UPF3A: variants seen among roughly 807,000 people sequenced by gnomAD.
UPF3A encodes the protein regulator of nonsense transcripts 3A.
Under a neutral mutation model 53.5 loss-of-function variants are expected in UPF3A, and 42 were observed. The ratio of observed to expected loss-of-function variants is 0.78; its 90% CI spans 0.61 to 1.01. The LOEUF (loss-of-function observed/expected upper bound fraction) is 1.01. UPF3A is among the 50% of genes least tolerant of loss of function. UPF3A has a pLI of 0.00. For synonymous variants in UPF3A, 237 were observed against 225.3 expected (o/e 1.05, Z -0.47); for missense variants, 575 against 598.0 (o/e 0.96, Z 0.40).
intron 7 of UPF3A, among the ~76,000 whole-genome samples, chr13:114,293,882 G>A (rs2085557868): frequency 6.6e-6 from 1 of 152,102 alleles, no homozygotes; most frequent in Non-Finnish European, 1.5e-5. Flanking sequence ...AGGACTTTGG[G>A]AGACCAGGGC....
At chr13:114,289,547 AG>A (rs2085074864) in intron 5 of UPF3A, among the ~76,000 whole-genome samples, 4 of 150,644 alleles carry the variant, frequency 2.7e-5, no homozygotes, top group African/African-American at 9.8e-5. Flanking sequence ...AAAAAATTTT[AG>A]GCAATTCATG....
chr13:114,296,688 G>A (rs892226558), intron 7 of UPF3A, among the ~76,000 whole-genome samples: 13 of 152,272 alleles, frequency 8.5e-5, no homozygotes, highest in East Asian at 5.8e-4. Context: ...TGGAACTGTC[G>A]TCTGAAAGGG....
intron 3 of UPF3A, chr13:114,283,957 A>G (rs1461679209): frequency 2.0e-6 from 2 of 985,328 alleles, no homozygotes. Flanking sequence ...TTAAAAAAAT[A>G]AGCATTAGCC....
intron 5 of UPF3A, among the ~76,000 whole-genome samples, chr13:114,290,802 C>G (rs995668072): frequency 1.1e-4 from 16 of 149,176 alleles, no homozygotes; most frequent in Non-Finnish European, 2.1e-4. Context: ...GGCGCAATCT[C>G]GGCTCACTGC....
Position 114,298,710 on chromosome 13 carries a change from C to T in UPF3A, c.847-130C>T, listed in dbSNP as rs1388982745. 7.4e-6 allele frequency: 7 copies of T among 949,874 alleles called. No homozygotes were observed. The East Asian group carries it at 1.5e-4, about 21-fold the overall frequency. The allele number at this position is 949,874 out of a possible 1,614,324, so 58.8% of individuals were successfully genotyped here. The stretch of plus-strand genomic sequence containing the variant: ...TAAACCAAAAACCTCATTTTTGGAC[C>T]TTTAGCTTTAATTCTTTGCTGTGCA... On this transcript the variant is annotated intron_variant, in intron 7 of 9. Coordinates refer to ENST00000375299, the MANE Select transcript of UPF3A (RefSeq NM_023011.4).
intron 5 of UPF3A, among the ~76,000 whole-genome samples, chr13:114,288,725 G>C (rs556860260): frequency 2.6e-5 from 4 of 152,192 alleles, no homozygotes; most frequent in Non-Finnish European, 5.9e-5. Flanking sequence ...AGACGGATAG[G>C]GTGTGGGAGG....
intron 9 of UPF3A, among the ~76,000 whole-genome samples, chr13:114,302,987 C>A (rs1237483485): frequency 6.6e-6 from 1 of 152,190 alleles, no homozygotes; most frequent in African/African-American, 2.4e-5. Context: ...GTAATCCCAG[C>A]TACTCAGGAG....
At chr13:114,304,489 ATC>A (rs2086866488) in intron 9 of UPF3A, among the ~76,000 whole-genome samples, 1 of 152,202 alleles carries the variant, frequency 6.6e-6, no homozygotes, top group African/African-American at 2.4e-5. Flanking sequence ...GAGGGTCCAC[ATC>A]TCATTTTGTT....
In UPF3A at chr13:114,281,759, G is replaced by A; in HGVS notation, c.120G>A (p.Gln40=). ...EVQFHRDSQQ[Q]EAETPPTSSS... Reference sequence around the variant, plus strand: ...AGTTCCACCGCGACTCGCAGCAGCAGGAGGCTGAGACGCCGCCAACTTCGT... The same window carrying A: ...AGTTCCACCGCGACTCGCAGCAGCAAGAGGCTGAGACGCCGCCAACTTCGT... Residue 40 remains glutamine (Q), a synonymous_variant, in exon 1 of 10, where the codon CAG becomes CAA. Transcript: ENST00000375299. The A allele has an allele frequency of 6.4e-7, 1 of 1,557,902 alleles. No homozygotes were observed. The highest frequency in any genetic ancestry group is 8.7e-7 in the Non-Finnish European group (1 of 1,151,662).
Position 114,302,032 on chromosome 13 carries a change from A to G in UPF3A, c.1302+7A>G, listed in dbSNP as rs973048867. The G allele has an allele frequency of 6.0e-6, 9 of 1,508,780 alleles. No individual in the cohort carries two copies. The highest frequency in any genetic ancestry group is 1.4e-5 in the African/African-American group (1 of 71,422). The allele number at this position is 1,508,780 out of a possible 1,614,324, so 93.5% of individuals were successfully genotyped here. A position where few individuals can be genotyped will look rare whatever the true frequency, so the allele number is the denominator to read the frequency against. On this transcript the variant is annotated splice_region_variant and intron_variant, in intron 9 of 9. Coordinates refer to ENST00000375299, the MANE Select transcript of UPF3A (RefSeq NM_023011.4). ...AGAGCGACTGGCAAACAAGGTTTTT[A>G]TTAAACCCAAAAAGAAAAATGTGTC...
At chr13:114,298,726 T>G (rs2086303828) in intron 7 of UPF3A, 114 bp from the exon 8 acceptor site, 1 of 1,078,120 alleles carries the variant, frequency 9.3e-7, no homozygotes, top group African/African-American at 1.6e-5. Flanking sequence ...CTTTAATTCT[T>G]TGCTGTGCAA....
At chr13:114,288,726 G>A (rs1435702880) in intron 5 of UPF3A, among the ~76,000 whole-genome samples, 2 of 152,200 alleles carry the variant, frequency 1.3e-5, no homozygotes, top group East Asian at 3.9e-4. Context: ...GACGGATAGG[G>A]TGTGGGAGGT....
chr13:114,301,665 A>G (rs921004338), intron 8 of UPF3A, 66 bp from the exon 9 acceptor site: 5 of 1,533,892 alleles, frequency 3.3e-6, no homozygotes, highest in African/African-American at 1.4e-5. Flanking sequence ...CCTGTGGTCT[A>G]GAAAGGAGGG....
intron 7 of UPF3A, among the ~76,000 whole-genome samples, chr13:114,296,404 G>A (rs374092940): frequency 6.0e-4 from 91 of 151,974 alleles, no homozygotes; most frequent in Non-Finnish European, 2.5e-4. Flanking sequence ...AAAAATAGAC[G>A]GGCCTTCCGG....
In UPF3A at chr13:114,295,799, AGTG is replaced by A. The variant is rs2085925029; in HGVS notation, c.847-3040_847-3038del. On this transcript the variant is annotated intron_variant, in intron 7 of 9. Coordinates refer to ENST00000375299, the MANE Select transcript of UPF3A (RefSeq NM_023011.4). ...CTTGTCTCATTCACAGCCATTCCCT[AGTG>A]CCTAGCACAGGGTCTTAGGCCCTGG... 7.9e-5 allele frequency among the ~76,000 whole-genome samples: 12 copies of A among 152,218 alleles called. No individual in the cohort carries two copies. In the South Asian group the frequency reaches 1.9e-3, roughly 24 times the overall value.
rs1264955105 is a variant in UPF3A, at chr13:114,282,141, C to G, written c.314+14C>G. 6 of 1,542,026 alleles carry G rather than the reference C, an allele frequency of 3.9e-6. 1 individual carries two copies. In the South Asian group the frequency reaches 4.8e-5, roughly 12 times the overall value. ...CGCCGACCTGAGGTGAGGCCCGCCCCGAGGGGAGGAAGAGAGGGCGGAACC... is the reference window on the plus strand; with the variant it reads ...CGCCGACCTGAGGTGAGGCCCGCCCGGAGGGGAGGAAGAGAGGGCGGAACC... On this transcript the variant is annotated intron_variant, in intron 2 of 9. Transcript: ENST00000375299.
At chr13:114,284,352 A>G (rs1459922118) in intron 3 of UPF3A, among the ~76,000 whole-genome samples, 1 of 150,222 alleles carries the variant, frequency 6.7e-6, no homozygotes, top group Non-Finnish European at 1.5e-5. Context: ...ACGGAGCAAA[A>G]AAATATGTAT....
chr13:114,299,133 C>A (rs1377688989), intron 8 of UPF3A, 133 bp downstream of exon 8: 4 of 858,110 alleles, frequency 4.7e-6, no homozygotes, highest in Non-Finnish European at 6.5e-6. Flanking sequence ...TACACGTTAG[C>A]CTTCATTTCC....
chr13:114,303,096 C>T (rs1201586906), intron 9 of UPF3A, among the ~76,000 whole-genome samples: 1 of 151,628 alleles, frequency 6.6e-6, no homozygotes, highest in Non-Finnish European at 1.5e-5. Flanking sequence ...GCAAAATTAC[C>T]TCTAAAAAAA....
Sources: allele counts gnomAD v4.1 joint callset (sites outside exome capture counted in the v4.1 genomes callset), GRCh38; gene constraint gnomAD v4.1.1; transcripts MANE v1.5; gene names NCBI Gene and HGNC (gene_info 2026-07-23, HGNC 2026-07-21).